Variants in TMA16 observed in about 807,000 individuals in gnomAD.
TMA16 encodes the protein translation machinery-associated protein 16.
Under a neutral mutation model 27.1 loss-of-function variants are expected in TMA16, and 26 were observed. The ratio of observed to expected loss-of-function variants is 0.96; its 90% CI spans 0.70 to 1.33. The LOEUF (loss-of-function observed/expected upper bound fraction) is 1.33, where lower values mean the gene tolerates loss of function less well. TMA16 is among the 40% of genes most tolerant of loss of function. The pLI is 0.00. For missense variants in TMA16, 233 were observed against 241.4 expected, an observed-to-expected ratio of 0.97 and a Z score of 0.23; for synonymous variants, 71 against 81.9, an observed-to-expected ratio of 0.87 and a Z score of 0.72.
At position 163,514,124 on chromosome 4, in the gene TMA16, T is replaced by TA; in HGVS notation, c.206dup (p.Tyr69Ter). The TA allele has an allele frequency of 6.2e-7, 1 of 1,609,696 alleles. No homozygotes were observed. Among genetic ancestry groups the TA allele is most frequent in the Non-Finnish European group, 8.5e-7 (1 of 1,178,266 alleles). ...TCATCTTGATCCCCAAAAAAAGAGA[T>TA]ATTCAAAGAAAGATGCTTGTGAACT... ...QNHLDPQKKR[Y>*]SKKDACELIE... The change falls in exon 4 of 7, where the codon TAT (tyrosine) becomes TAAT (stop). Residue 69 changes from tyrosine (Y) to a stop codon, truncating the protein, a stop_gained and frameshift_variant. Coordinates refer to ENST00000358572, the MANE Select transcript of TMA16 (RefSeq NM_018352.3). LOFTEE classifies it high-confidence loss of function.
At chr4:163,511,658 G>C (rs913007368) in intron 2 of TMA16, among the ~76,000 whole-genome samples, 1 of 141,588 alleles carries the variant, frequency 7.1e-6, no homozygotes, top group Non-Finnish European at 1.5e-5. Context: ...AAAAATAAAA[G>C]TAAAAAAAAA....
intron 1 of TMA16, among the ~76,000 whole-genome samples, chr4:163,498,285 G>T (rs959936323): frequency 4.3e-4 from 55 of 128,682 alleles, no homozygotes; most frequent in African/African-American, 1.4e-3. Flanking sequence ...TTGGTTAAAA[G>T]ATTTTTTTTT....
chr4:163,506,199 A>G (rs1737716654), intron 1 of TMA16, among the ~76,000 whole-genome samples: 1 of 152,076 alleles, frequency 6.6e-6, no homozygotes, highest in African/African-American at 2.4e-5. Flanking sequence ...GCTGTCTTGA[A>G]CTAGATAGGA....
At position 163,515,407 on chromosome 4, in the gene TMA16, G is replaced by A. The variant is rs780905691; in HGVS notation, c.334G>A (p.Val112Ile). ...QGRRHCSRET[V>I]IKQTMERERQ... ...GAGGCGGCACTGTTCCCGGGAGACC[G>A]TCATCAAGCAGACGATGGAGCGGGA... The change falls in exon 5 of 7, where the codon GTC becomes ATC. Residue 112 changes from valine (V) to isoleucine (I), a missense_variant. Physicochemically the swap from Val to Ile is conservative, Grantham distance 29. Coordinates refer to ENST00000358572, the MANE Select transcript of TMA16 (RefSeq NM_018352.3). 1.4e-5 allele frequency: 23 copies of A among 1,613,942 alleles called. No individual in the cohort carries two copies. The Admixed American group carries it at 1.5e-4, about 11-fold the overall frequency.
At chr4:163,501,381 T>C (rs893620268) in intron 1 of TMA16, among the ~76,000 whole-genome samples, 3 of 152,226 alleles carry the variant, frequency 2.0e-5, no homozygotes, top group Non-Finnish European at 4.4e-5. Context: ...ATATGTGACC[T>C]CTTCTCTTTA....
At chr4:163,506,330 G>C (rs1372836300) in intron 1 of TMA16, among the ~76,000 whole-genome samples, 1 of 152,076 alleles carries the variant, frequency 6.6e-6, no homozygotes, top group Non-Finnish European at 1.5e-5. Flanking sequence ...GCTGGGTTAT[G>C]CCATTATTTG....
At chr4:163,512,945 A>C (rs1435896557) in intron 3 of TMA16, 86 bp downstream of exon 3, 1 of 988,346 alleles carries the variant, frequency 1.0e-6, no homozygotes, top group Admixed American at 2.4e-5. Flanking sequence ...TCTTTTAGTG[A>C]AATACTGTTT....
chr4:163,502,623 A>G (rs775936426), intron 1 of TMA16, among the ~76,000 whole-genome samples: 5 of 152,186 alleles, frequency 3.3e-5, no homozygotes, highest in Admixed American at 6.5e-5. Flanking sequence ...TTGACCTTTA[A>G]GTGGTCTTCG....
rs766212171 is a variant in TMA16 at position 163,515,399 on chromosome 4, G to A, written c.326G>A (p.Arg109Gln). 13 of 1,613,972 alleles carry A rather than the reference G, an allele frequency of 8.1e-6. No individual in the cohort carries two copies. Among genetic ancestry groups the A allele is most frequent in the Middle Eastern group, 1.6e-4 (1 of 6,082 alleles). Residue 109 changes from arginine (R) to glutamine (Q), a missense_variant, in exon 5 of 7, where the codon CGG becomes CAG. Transcript: ENST00000358572. ...AGGCAGGGGAGGCGGCACTGTTCCC[G>A]GGAGACCGTCATCAAGCAGACGATG... ...RDRQGRRHCS[R>Q]ETVIKQTMER...
At chr4:163,501,031 G>C (rs1737643573) in intron 1 of TMA16, among the ~76,000 whole-genome samples, 1 of 152,188 alleles carries the variant, frequency 6.6e-6, no homozygotes, top group Non-Finnish European at 1.5e-5. Context: ...AATTTTAAAT[G>C]AGGTAAACAT....
intron 1 of TMA16, 133 bp downstream of exon 1, chr4:163,494,937 T>TGTGCGGG: frequency 7.5e-7 from 1 of 1,335,228 alleles, no homozygotes; most frequent in Non-Finnish European, 1.0e-6. Context: ...TTTCAGGGAG[T>TGTGCGGG]GTGCGGGGTG....
At position 163,514,417 on chromosome 4, in the gene TMA16, A is replaced by T. The variant is rs556517823; in HGVS notation, c.239+259A>T. On this transcript the variant is annotated intron_variant, in intron 4 of 6. Coordinates refer to ENST00000358572, the MANE Select transcript of TMA16 (RefSeq NM_018352.3). ...AACTGGCAGCTGAAAGGTGGGGGTT[A>T]GCAGATCGAGGCAAGGTAGTTTGAA... 6.3e-4 allele frequency among the ~76,000 whole-genome samples: 96 copies of T among 152,328 alleles called. 2 individuals are homozygous for T. Among genetic ancestry groups the T allele is most frequent in the South Asian group, 1.2e-3 (6 of 4,830 alleles).
At chr4:163,507,619 A>G (rs1045983678) in intron 2 of TMA16, among the ~76,000 whole-genome samples, 3 of 151,994 alleles carry the variant, frequency 2.0e-5, no homozygotes, top group Non-Finnish European at 2.9e-5. Flanking sequence ...ATCAGCATCC[A>G]TGTGGGATTT....
chr4:163,505,693 G>A (rs987728478), intron 1 of TMA16, among the ~76,000 whole-genome samples: 2 of 152,274 alleles, frequency 1.3e-5, no homozygotes, highest in East Asian at 1.9e-4. Flanking sequence ...GCAGGTTGGG[G>A]CTAGATTGTT....
intron 4 of TMA16, 108 bp from the exon 5 acceptor site, chr4:163,515,203 CAT>C: frequency 8.9e-7 from 1 of 1,123,542 alleles, no homozygotes; most frequent in Non-Finnish European, 1.2e-6. Context: ...CTCAGAGAAA[CAT>C]AAACATTTAA....
Position 163,519,443 on chromosome 4 carries a change from C to G in TMA16, c.541C>G (p.Gln181Glu). ...CKRKTIITVD[Q>E]DLGELELNDE... ...GAGGAAAACTATTATAACTGTAGACCAAGATTTGGGGGAATTGGAACTAAA... is the reference window on the plus strand; with the variant it reads ...GAGGAAAACTATTATAACTGTAGACGAAGATTTGGGGGAATTGGAACTAAA... The change falls in exon 7 of 7, where the codon CAA becomes GAA. Residue 181 changes from glutamine (Q) to glutamate (E), a missense_variant. Physicochemically the swap from Gln to Glu is conservative, Grantham distance 29. Transcript: ENST00000358572. The G allele has an allele frequency of 6.2e-7, 1 of 1,605,568 alleles. No homozygotes were observed. The highest frequency in any genetic ancestry group is 1.3e-5 in the African/African-American group (1 of 74,430).
intron 1 of TMA16, among the ~76,000 whole-genome samples, chr4:163,501,520 T>C (rs148129134): frequency 9.2e-5 from 14 of 152,350 alleles, no homozygotes; most frequent in Non-Finnish European, 1.8e-4. Flanking sequence ...TTAGGTTTGC[T>C]AGTTCTCATC....
chr4:163,520,216 G>T lies in TMA16; in HGVS notation c.*702G>T. ...TGAAAAGAGGTAGGTTTTATTTGTG[G>T]AGAGAGAGTTGAAGATTAGGGAACC... On this transcript the variant is annotated 3_prime_UTR_variant, in exon 7 of 7. Coordinates refer to ENST00000358572, the MANE Select transcript of TMA16 (RefSeq NM_018352.3). 3.6e-6 allele frequency: 1 copy of T among 277,982 alleles called. No individual in the cohort carries two copies. Among genetic ancestry groups the T allele is most frequent in the Non-Finnish European group, 6.6e-6 (1 of 151,640 alleles). 17.2% of individuals were successfully genotyped at this position (277,982 alleles called of 1,614,324 possible). A position where few individuals can be genotyped will look rare whatever the true frequency, so the allele number is the denominator to read the frequency against.
chr4:163,519,580 C>A lies in TMA16; in HGVS notation c.*66C>A, dbSNP rs879200457. Reference sequence around the variant, plus strand: ...CAAATTATATTCATTGATTATGGTACCTAATTGTCATGATACAAAAATTTG... The same window carrying A: ...CAAATTATATTCATTGATTATGGTAACTAATTGTCATGATACAAAAATTTG... On this transcript the variant is annotated 3_prime_UTR_variant, in exon 7 of 7. Transcript: ENST00000358572. 1 of 1,421,230 alleles carries A rather than the reference C, an allele frequency of 7.0e-7. No individual in the cohort carries two copies. Among genetic ancestry groups the A allele is most frequent in the South Asian group, 1.5e-5 (1 of 68,562 alleles). The allele number at this position is 1,421,230 out of a possible 1,614,324, so 88.0% of individuals were successfully genotyped here. A position where few individuals can be genotyped will look rare whatever the true frequency, so the allele number is the denominator to read the frequency against.
Sources: allele counts gnomAD v4.1 joint callset (sites outside exome capture counted in the v4.1 genomes callset), GRCh38; gene constraint gnomAD v4.1.1; transcripts MANE v1.5; gene names NCBI Gene and HGNC (gene_info 2026-07-23, HGNC 2026-07-21).